AP3B1: variants seen among roughly 807,000 people sequenced by gnomAD.
AP3B1 encodes the protein adaptor related protein complex 3 subunit beta 1.
AP3B1 carries 61 observed loss-of-function variants against 132.5 expected under a neutral mutation model. The observed-to-expected ratio is 0.46, with a 90% CI of 0.37 to 0.57. The LOEUF (loss-of-function observed/expected upper bound fraction) is 0.57, where lower values mean the gene tolerates loss of function less well. Ranked by LOEUF, AP3B1 falls within the 20% of genes least tolerant of loss-of-function variation. AP3B1 has a pLI of 0.00. For synonymous variants in AP3B1, 388 were observed against 438.3 expected (o/e 0.89, Z 1.43); for missense variants, 1,120 against 1,289.4 (o/e 0.87, Z 2.01).
chr5:78,216,326 G>T, intron 6 of AP3B1, 89 bp from the exon 7 acceptor site: 2 of 1,228,686 alleles, frequency 1.6e-6, no homozygotes, highest in Non-Finnish European at 2.3e-6. Flanking sequence ...TCAGTTTCAT[G>T]CCAATCAGTA....
intron 7 of AP3B1, among the ~76,000 whole-genome samples, chr5:78,198,420 C>T (rs781207391): frequency 1.1e-4 from 17 of 152,106 alleles, no homozygotes; most frequent in Middle Eastern, 3.2e-3. Flanking sequence ...GATCAAGGGG[C>T]AGGTGATTCA....
At chr5:78,166,827 A>T (rs560063610) in intron 11 of AP3B1, among the ~76,000 whole-genome samples, 2 of 152,240 alleles carry the variant, frequency 1.3e-5, no homozygotes, top group African/African-American at 4.8e-5. Context: ...CTCATCTCTC[A>T]TCTTACACAA....
chr5:78,259,756 G>A (rs1416302699), intron 2 of AP3B1, among the ~76,000 whole-genome samples: 1 of 151,944 alleles, frequency 6.6e-6, no homozygotes, highest in East Asian at 1.9e-4. Context: ...TTACTTGACG[G>A]TAGGAGTTGG....
At chr5:78,258,374 A>G (rs1255466000) in intron 2 of AP3B1, among the ~76,000 whole-genome samples, 1 of 152,210 alleles carries the variant, frequency 6.6e-6, no homozygotes, top group Non-Finnish European at 1.5e-5. Context: ...AGGGGGCAAA[A>G]GATTTGAAAA....
chr5:78,282,223 G>C (rs1031824875), intron 1 of AP3B1, among the ~76,000 whole-genome samples: 2 of 152,038 alleles, frequency 1.3e-5, no homozygotes, highest in African/African-American at 4.8e-5. Flanking sequence ...TTCCACACCA[G>C]CAGCTGGCAC....
chr5:78,079,388 T>C (rs914404356), intron 22 of AP3B1, among the ~76,000 whole-genome samples: 3 of 152,104 alleles, frequency 2.0e-5, no homozygotes, highest in Non-Finnish European at 4.4e-5. Flanking sequence ...AAATTAAGCA[T>C]GGAATGAAGG....
At chr5:78,270,994 A>C (rs79566579) in intron 1 of AP3B1, among the ~76,000 whole-genome samples, 3,906 of 152,282 alleles carry the variant, frequency 0.026, 173 homozygotes, top group African/African-American at 0.086. Flanking sequence ...CAACAAACAT[A>C]ATAAGTAAGA....
At chr5:78,087,668 C>T (rs1216377763) in intron 22 of AP3B1, 1 of 985,168 alleles carries the variant, frequency 1.0e-6, no homozygotes, top group African/African-American at 1.7e-5. Flanking sequence ...CTTTTCTTTC[C>T]TTTGAAGAGA....
chr5:78,185,085 T>A (rs894240176), intron 7 of AP3B1, among the ~76,000 whole-genome samples: 7 of 152,164 alleles, frequency 4.6e-5, no homozygotes, highest in Non-Finnish European at 1.0e-4. Context: ...GGAGAGGAAC[T>A]ATCAAAAGAG....
intron 22 of AP3B1, among the ~76,000 whole-genome samples, chr5:78,056,351 G>C (rs537243144): frequency 6.6e-6 from 1 of 152,194 alleles, no homozygotes; most frequent in East Asian, 1.9e-4. Context: ...TTGTCTTGAG[G>C]ATCAAATGAG....
chr5:78,237,436 G>C (rs1006970343), intron 3 of AP3B1, among the ~76,000 whole-genome samples: 1 of 152,156 alleles, frequency 6.6e-6, no homozygotes, highest in Non-Finnish European at 1.5e-5. Flanking sequence ...GAAGGCTACA[G>C]TGTGTTGTGT....
At chr5:78,073,300 G>T (rs1439951352) in intron 22 of AP3B1, among the ~76,000 whole-genome samples, 3 of 152,166 alleles carry the variant, frequency 2.0e-5, no homozygotes, top group Non-Finnish European at 4.4e-5. Context: ...GCCCTGCCCT[G>T]TGTTCAGAAA....
At chr5:78,256,921 T>C (rs952656127) in intron 2 of AP3B1, among the ~76,000 whole-genome samples, 4 of 152,078 alleles carry the variant, frequency 2.6e-5, no homozygotes, top group Non-Finnish European at 5.9e-5. Context: ...ATAAAAACCA[T>C]ATGATCATTT....
At chr5:78,198,850 C>T (rs1032734062) in intron 7 of AP3B1, among the ~76,000 whole-genome samples, 1 of 152,138 alleles carries the variant, frequency 6.6e-6, no homozygotes, top group African/African-American at 2.4e-5. Context: ...AGATAATTCA[C>T]TGGAAAAAAA....
At chr5:78,148,808 T>C (rs1225711554) in intron 14 of AP3B1, among the ~76,000 whole-genome samples, 1 of 152,198 alleles carries the variant, frequency 6.6e-6, no homozygotes, top group African/African-American at 2.4e-5. Flanking sequence ...CTCTCTTCTT[T>C]GTCTTCTTCC....
At chr5:78,262,943 T>C (rs1035674430) in intron 2 of AP3B1, among the ~76,000 whole-genome samples, 2 of 152,192 alleles carry the variant, frequency 1.3e-5, no homozygotes, top group Admixed American at 6.5e-5. Flanking sequence ...GTGCTGGGAT[T>C]ACAAGCGTGA....
intron 26 of AP3B1, among the ~76,000 whole-genome samples, 189 bp from the exon 27 acceptor site, chr5:78,003,244 C>A (rs952755668): frequency 5.9e-5 from 9 of 152,196 alleles, no homozygotes; most frequent in African/African-American, 2.2e-4. Context: ...CCATGCTAAC[C>A]ACAAGCAGGT....
chr5:78,097,349 C>G (rs1750892022), intron 21 of AP3B1, among the ~76,000 whole-genome samples: 1 of 136,192 alleles, frequency 7.3e-6, no homozygotes, highest in Non-Finnish European at 1.6e-5. Flanking sequence ...GGTCAGCCCC[C>G]TGCCCGGCCA....
intron 21 of AP3B1, among the ~76,000 whole-genome samples, chr5:78,098,072 C>A (rs988265913): frequency 2.6e-5 from 4 of 151,162 alleles, no homozygotes; most frequent in Non-Finnish European, 5.9e-5. Flanking sequence ...TAAACAGATG[C>A]TTGAAGGCAG....
Sources: allele counts gnomAD v4.1 joint callset (sites outside exome capture counted in the v4.1 genomes callset), GRCh38; gene constraint gnomAD v4.1.1; transcripts MANE v1.5; gene names NCBI Gene and HGNC (gene_info 2026-07-23, HGNC 2026-07-21).